Variants in PDZRN4 observed in about 807,000 individuals in gnomAD.
PDZRN4 encodes the protein PDZ domain containing ring finger 4.
Under a neutral mutation model 99.0 loss-of-function variants are expected in PDZRN4, and 70 were observed. That is an observed-to-expected ratio of 0.71 (90% confidence interval 0.58 to 0.86). PDZRN4 has a LOEUF of 0.86. Ranked by LOEUF, PDZRN4 falls within the 40% of genes least tolerant of loss-of-function variation. The pLI is 0.00. For missense variants in PDZRN4, 1,474 were observed against 1,331.2 expected (o/e 1.11, Z -1.67); for synonymous variants, 551 against 501.6 (o/e 1.10, Z -1.32).
intron 3 of PDZRN4, among the ~76,000 whole-genome samples, chr12:41,390,208 A>C (rs1952199991): frequency 6.6e-6 from 1 of 152,154 alleles, no homozygotes. Context: ...TAAGAGCAGG[A>C]GTAATTAAGT....
intron 3 of PDZRN4, among the ~76,000 whole-genome samples, chr12:41,379,643 A>G (rs1952108648): frequency 6.6e-6 from 1 of 151,592 alleles, no homozygotes. Flanking sequence ...TAATATCCAT[A>G]TAGTTGAGAA....
rs574795310 is a variant in PDZRN4, at chr12:41,415,376, T to TTA, written c.844-91069_844-91068dup. On this transcript the variant is annotated intron_variant, in intron 3 of 9. Coordinates refer to ENST00000402685, the MANE Select transcript of PDZRN4 (RefSeq NM_001164595.2). ...TAATATATAATATATGTAATAAATG[T>TTA]TATATATATATAACAAAGATATACA... Among the ~76,000 whole-genome samples the TTA allele has an allele frequency of 2.1e-3, 316 of 148,814 alleles. 2 individuals carry two copies. Among genetic ancestry groups the TTA allele is most frequent in the African/African-American group, 6.4e-3 (262 of 40,886 alleles).
chr12:41,189,255 T>C (rs1483086120), intron 1 of PDZRN4, among the ~76,000 whole-genome samples, 152 bp downstream of exon 1: 1 of 152,134 alleles, frequency 6.6e-6, no homozygotes, highest in African/African-American at 2.4e-5. Flanking sequence ...TTTCCTGTCA[T>C]TATCTTACGA....
intron 3 of PDZRN4, among the ~76,000 whole-genome samples, chr12:41,368,027 T>G (rs750746911): frequency 6.6e-6 from 1 of 152,112 alleles, no homozygotes; most frequent in Non-Finnish European, 1.5e-5. Flanking sequence ...CAAAACCACT[T>G]GAGTTACCTC....
intron 3 of PDZRN4, among the ~76,000 whole-genome samples, chr12:41,225,666 G>A (rs989189537): frequency 6.6e-6 from 1 of 152,054 alleles, no homozygotes; most frequent in Admixed American, 6.6e-5. Flanking sequence ...GTGGTAAGAT[G>A]TTAAGAGACA....
At chr12:41,513,405 TCA>T (rs769404386) in intron 5 of PDZRN4, among the ~76,000 whole-genome samples, 7 of 152,114 alleles carry the variant, frequency 4.6e-5, no homozygotes, top group Non-Finnish European at 8.8e-5. Context: ...CAGAAAAGTC[TCA>T]GAGACCAGTC....
rs768230736 is a variant in PDZRN4, at chr12:41,572,663, G to A, written c.1884G>A (p.Arg628=). 1.9e-6 allele frequency: 3 copies of A among 1,614,046 alleles called. No homozygotes were observed. The highest frequency in any genetic ancestry group is 2.5e-6 in the Non-Finnish European group (3 of 1,180,036). ...GNPDEDCERF[R]QLLELKCKIR... is the part of the protein sequence containing the mutation. ...CAGATGAGGACTGTGAAAGATTCAG[G>A]CAGCTCTTGGAGCTCAAATGCAAGA... The change falls in exon 10 of 10, where the codon AGG becomes AGA. Residue 628 remains arginine, a synonymous_variant. Transcript: ENST00000402685.
intron 3 of PDZRN4, among the ~76,000 whole-genome samples, chr12:41,363,258 T>A (rs1041153169): frequency 6.6e-6 from 1 of 152,132 alleles, no homozygotes; most frequent in Non-Finnish European, 1.5e-5. Context: ...TACCCCCTCA[T>A]GACTGAAGCA....
intron 3 of PDZRN4, among the ~76,000 whole-genome samples, chr12:41,198,238 A>G (rs1179640930): frequency 6.6e-6 from 1 of 151,914 alleles, no homozygotes; most frequent in Non-Finnish European, 1.5e-5. Context: ...TTTCTATGAT[A>G]CTGATAGCAG....
intron 3 of PDZRN4, among the ~76,000 whole-genome samples, chr12:41,262,955 A>G (rs1293318938): frequency 1.3e-5 from 2 of 148,518 alleles, no homozygotes; most frequent in South Asian, 4.3e-4. Flanking sequence ...AAAATACTGT[A>G]TATATGTATA....
At chr12:41,218,183 A>G (rs1950933456) in intron 3 of PDZRN4, among the ~76,000 whole-genome samples, 2 of 152,106 alleles carry the variant, frequency 1.3e-5, no homozygotes, top group Admixed American at 1.3e-4. Context: ...TAATTCAAGT[A>G]AAAGCCTCTT....
chr12:41,237,305 T>C (rs974945048), intron 3 of PDZRN4, among the ~76,000 whole-genome samples: 4 of 152,066 alleles, frequency 2.6e-5, no homozygotes, highest in Non-Finnish European at 5.9e-5. Context: ...TTTTTTCTCA[T>C]AAAATGGAAG....
At chr12:41,263,618 C>T (rs1213963776) in intron 3 of PDZRN4, among the ~76,000 whole-genome samples, 5 of 151,736 alleles carry the variant, frequency 3.3e-5, no homozygotes, top group African/African-American at 7.3e-5. Context: ...ACCTGGGAGG[C>T]GGAGGTTGCA....
At chr12:41,372,611 A>T (rs1460360363) in intron 3 of PDZRN4, among the ~76,000 whole-genome samples, 1 of 152,152 alleles carries the variant, frequency 6.6e-6, no homozygotes, top group Non-Finnish European at 1.5e-5. Flanking sequence ...ACGTACAGGG[A>T]ATAGCATTTT....
chr12:41,399,441 T>C (rs896101227), intron 3 of PDZRN4, among the ~76,000 whole-genome samples: 1 of 152,142 alleles, frequency 6.6e-6, no homozygotes, highest in Admixed American at 6.6e-5. Context: ...AATAGGGTTT[T>C]AAAAGTATAT....
chr12:41,349,831 G>A (rs1386037533), intron 3 of PDZRN4, among the ~76,000 whole-genome samples: 2 of 151,868 alleles, frequency 1.3e-5, no homozygotes, highest in African/African-American at 2.4e-5. Context: ...AAAATGCAGT[G>A]GTCATTTCTT....
intron 3 of PDZRN4, among the ~76,000 whole-genome samples, chr12:41,490,060 TA>T (rs35470087): frequency 2.0e-5 from 3 of 151,398 alleles, no homozygotes; most frequent in African/African-American, 4.9e-5. Flanking sequence ...GTGACCTTAG[TA>T]AAAAAAAATC....
chr12:41,456,658 C>T lies in PDZRN4; in HGVS notation c.844-49798C>T, dbSNP rs554186120. On this transcript the variant is annotated intron_variant, in intron 3 of 9. Transcript: ENST00000402685. Reference sequence around the variant, plus strand: ...ATGAATGAAGACATACTGCAGAGGGCCTTATAAATATCATAACTGGTGTTT... The same window carrying T: ...ATGAATGAAGACATACTGCAGAGGGTCTTATAAATATCATAACTGGTGTTT... Among the ~76,000 whole-genome samples, 127 of 152,252 alleles carry T rather than the reference C, an allele frequency of 8.3e-4. 1 individual carries two copies. The highest frequency in any genetic ancestry group is 6.7e-3 in the Admixed American group (103 of 15,284).
intron 7 of PDZRN4, among the ~76,000 whole-genome samples, chr12:41,562,368 G>A (rs1462687751): frequency 6.6e-6 from 1 of 152,084 alleles, no homozygotes; most frequent in Non-Finnish European, 1.5e-5. Context: ...AGACCTATGA[G>A]GAGAAAAACC....
Sources: allele counts gnomAD v4.1 joint callset (sites outside exome capture counted in the v4.1 genomes callset), GRCh38; gene constraint gnomAD v4.1.1; transcripts MANE v1.5; gene names NCBI Gene and HGNC (gene_info 2026-07-23, HGNC 2026-07-21).